Variants in NTRK2 observed in about 807,000 individuals in gnomAD.
NTRK2 encodes the protein BDNF/NT-3 growth factors receptor.
NTRK2 carries 13 observed loss-of-function variants against 94.5 expected under a neutral mutation model. The observed-to-expected ratio is 0.14, with a 90% CI of 0.09 to 0.22. The LOEUF is 0.22. Among genes scored for constraint, NTRK2 ranks in the 10% least tolerant of loss-of-function variants. The probability of loss-of-function intolerance (pLI) is 1.00; values close to 1 mark genes in which losing one functional copy is unlikely to be tolerated. For missense variants in NTRK2, 639 were observed against 1,071.2 expected (o/e 0.60, Z 5.63); for synonymous variants, 372 against 407.4 (o/e 0.91, Z 1.05).
chr9:84,981,025 G>T (rs1316964518), intron 17 of NTRK2, among the ~76,000 whole-genome samples: 2 of 152,178 alleles, frequency 1.3e-5, no homozygotes, highest in African/African-American at 4.8e-5. Context: ...CCCAATTTTG[G>T]TAACTCATTC....
chr9:84,965,656 C>T (rs1825471747), intron 17 of NTRK2, among the ~76,000 whole-genome samples: 1 of 152,162 alleles, frequency 6.6e-6, no homozygotes, highest in Non-Finnish European at 1.5e-5. Context: ...CCACATGCCT[C>T]ACAGAATGGT....
intron 6 of NTRK2, among the ~76,000 whole-genome samples, chr9:84,711,881 G>T (rs2061437434): frequency 6.6e-6 from 1 of 152,000 alleles, no homozygotes; most frequent in Non-Finnish European, 1.5e-5. Flanking sequence ...TTCATAATGG[G>T]GGAATAAGGC....
At chr9:84,971,828 T>C (rs1332454313) in intron 17 of NTRK2, among the ~76,000 whole-genome samples, 2 of 152,028 alleles carry the variant, frequency 1.3e-5, no homozygotes, top group Admixed American at 1.3e-4. Flanking sequence ...TTATAAGCTA[T>C]TTAGGAGGCA....
intron 15 of NTRK2, among the ~76,000 whole-genome samples, chr9:84,943,627 T>C (rs1040905207): frequency 3.3e-5 from 5 of 152,176 alleles, no homozygotes; most frequent in African/African-American, 4.8e-5. Flanking sequence ...GCAAATATGC[T>C]TGTCAAAATG....
At chr9:84,679,824 G>T (rs568029395) in intron 2 of NTRK2, among the ~76,000 whole-genome samples, 3 of 152,186 alleles carry the variant, frequency 2.0e-5, no homozygotes, top group Non-Finnish European at 4.4e-5. Context: ...CAGCTCTGCC[G>T]TTGAGGCTGG....
At chr9:84,750,839 A>T (rs1056984964) in intron 11 of NTRK2, among the ~76,000 whole-genome samples, 18 of 152,188 alleles carry the variant, frequency 1.2e-4, no homozygotes, top group Admixed American at 7.2e-4. Context: ...CTTTGCTCTA[A>T]AATGTTAAGA....
In NTRK2 at chr9:85,014,730, C is replaced by G. The variant is rs1276477024; in HGVS notation, c.2173-5476C>G. 2.0e-5 allele frequency among the ~76,000 whole-genome samples: 3 copies of G among 152,086 alleles called. No individual in the cohort carries two copies. In the South Asian group the frequency reaches 6.2e-4, roughly 32 times the overall value. On this transcript the variant is annotated intron_variant, in intron 17 of 18. Transcript: ENST00000277120. ...TAATGCAAGATATTTACACCAAGGG[C>G]CTTTTAGTATTTTCTTCAGGATTTA... is the stretch of plus-strand genomic sequence containing the variant.
At chr9:84,749,705 G>A (rs2064414692) in intron 11 of NTRK2, among the ~76,000 whole-genome samples, 1 of 152,148 alleles carries the variant, frequency 6.6e-6, no homozygotes, top group South Asian at 2.1e-4. Flanking sequence ...CTACAAAGTA[G>A]AATAATTATA....
At chr9:84,836,994 A>C (rs150894871) in intron 12 of NTRK2, among the ~76,000 whole-genome samples, 4,299 of 148,754 alleles carry the variant, frequency 0.029, 115 homozygotes, top group East Asian at 0.11. Context: ...ATAATACTGG[A>C]ATATACTATA....
intron 14 of NTRK2, chr9:84,876,638 G>C: frequency 1.9e-6 from 2 of 1,058,626 alleles, no homozygotes; most frequent in Non-Finnish European, 2.3e-6. Context: ...TTACCCACAT[G>C]ATTTTTCCAT....
intron 15 of NTRK2, among the ~76,000 whole-genome samples, chr9:84,946,026 G>C (rs1190008235): frequency 2.0e-5 from 3 of 152,198 alleles, no homozygotes; most frequent in Non-Finnish European, 4.4e-5. Flanking sequence ...CCCACAGGGA[G>C]AGAAGCACCG....
chr9:84,686,973 A>G (rs2059757093), intron 2 of NTRK2, among the ~76,000 whole-genome samples: 1 of 152,248 alleles, frequency 6.6e-6, no homozygotes, highest in African/African-American at 2.4e-5. Flanking sequence ...TTATGCTTAT[A>G]TAATCAGTAT....
intron 9 of NTRK2, among the ~76,000 whole-genome samples, chr9:84,733,017 A>G (rs973348200): frequency 6.6e-6 from 1 of 152,142 alleles, no homozygotes; most frequent in Non-Finnish European, 1.5e-5. Flanking sequence ...GGGGACACTC[A>G]TAGTCTCTTG....
At chr9:84,971,864 G>C (rs1826223984) in intron 17 of NTRK2, among the ~76,000 whole-genome samples, 1 of 152,146 alleles carries the variant, frequency 6.6e-6, no homozygotes, top group African/African-American at 2.4e-5. Flanking sequence ...GAGGTGGATT[G>C]GGTATGGAAA....
chr9:84,820,140 A>G (rs1186023157), intron 12 of NTRK2, among the ~76,000 whole-genome samples: 1 of 151,552 alleles, frequency 6.6e-6, no homozygotes, highest in African/African-American at 2.4e-5. Context: ...CTTAACTACT[A>G]ATAGCTTACT....
chr9:84,865,938 A>C (rs141903300), intron 13 of NTRK2, among the ~76,000 whole-genome samples: 2 of 152,358 alleles, frequency 1.3e-5, no homozygotes, highest in East Asian at 3.9e-4. Flanking sequence ...TTTTGGTTGC[A>C]AACAGTATGA....
chr9:84,942,966 C>T (rs1255012315), intron 15 of NTRK2, among the ~76,000 whole-genome samples: 1 of 152,190 alleles, frequency 6.6e-6, no homozygotes, highest in Non-Finnish European at 1.5e-5. Flanking sequence ...ATTAACCAAA[C>T]ATTCTCATGC....
At chr9:84,703,610 A>T (rs1394116223) in intron 4 of NTRK2, among the ~76,000 whole-genome samples, 1 of 152,158 alleles carries the variant, frequency 6.6e-6, no homozygotes, top group Non-Finnish European at 1.5e-5. Context: ...TTAGAAGCAG[A>T]TTGCCTGGAC....
chr9:84,750,763 A>G (rs1041397432), intron 11 of NTRK2, among the ~76,000 whole-genome samples: 1 of 152,214 alleles, frequency 6.6e-6, no homozygotes, highest in South Asian at 2.1e-4. Flanking sequence ...AGAGAAGCCA[A>G]CTGTTTTTGG....
Sources: gnomAD v4.1 joint callset for allele counts (sites outside exome capture counted in the v4.1 genomes callset) on GRCh38, gnomAD v4.1.1 for gene constraint, MANE v1.5 for transcripts, NCBI Gene and HGNC (gene_info 2026-07-23, HGNC 2026-07-21) for gene names.